Variants in FAM13C observed in about 807,000 individuals in gnomAD.
FAM13C encodes protein FAM13C.
A neutral mutation model predicts 73.2 loss-of-function variants in FAM13C; 37 were observed. That is an observed-to-expected ratio of 0.51 (90% CI 0.39 to 0.67). The LOEUF is 0.67. Among genes scored for constraint, FAM13C ranks in the 30% least tolerant of loss-of-function variants. The probability of loss-of-function intolerance (pLI) is 0.00; values close to 1 mark genes in which losing one functional copy is unlikely to be tolerated. For synonymous variants in FAM13C, 246 were observed against 260.9 expected (o/e 0.94, Z 0.55); for missense variants, 589 against 715.6 (o/e 0.82, Z 2.02).
intron 6 of FAM13C, among the ~76,000 whole-genome samples, chr10:59,273,158 G>T (rs1276596157): frequency 6.6e-6 from 1 of 152,072 alleles, no homozygotes; most frequent in East Asian, 1.9e-4. Context: ...CAATGACCAA[G>T]AATTCATGAA....
At chr10:59,341,800 G>A (rs146970030) in intron 3 of FAM13C, among the ~76,000 whole-genome samples, 5 of 152,264 alleles carry the variant, frequency 3.3e-5, no homozygotes, top group South Asian at 2.1e-4. Context: ...AACAAAACAC[G>A]ATGAGCTTTG....
At chr10:59,296,486 T>C (rs1194298737) in intron 5 of FAM13C, among the ~76,000 whole-genome samples, 1 of 152,202 alleles carries the variant, frequency 6.6e-6, no homozygotes, top group Admixed American at 6.5e-5. Flanking sequence ...AATTAATTTT[T>C]CATATTGATT....
intron 5 of FAM13C, among the ~76,000 whole-genome samples, chr10:59,286,542 T>TATATA (rs58052786): frequency 1.0e-4 from 14 of 140,570 alleles, no homozygotes; most frequent in South Asian, 2.4e-4. Context: ...TATATATATA[T>TATATA]TCATCATACA....
chr10:59,252,924 G>A lies in FAM13C; in HGVS notation c.1407C>T (p.His469=). Reference sequence around the variant, plus strand: ...AGGTGAGGTGGTCACCAACAGGAAGGTGAGATGCTGGATCTGCCAAAGAAG... The same window carrying A: ...AGGTGAGGTGGTCACCAACAGGAAGATGAGATGCTGGATCTGCCAAAGAAG... The part of the protein sequence containing the change: ...QQPSLADPAS[H]LPVGDHLTYS... Residue 469 remains histidine (H), a synonymous_variant, in exon 12 of 14, where the codon CAC becomes CAT. Coordinates refer to ENST00000618804, the MANE Select transcript of FAM13C (RefSeq NM_198215.4). The A allele has an allele frequency of 6.2e-7, 1 of 1,614,090 alleles. No homozygotes were observed. Among genetic ancestry groups the A allele is most frequent in the Non-Finnish European group, 8.5e-7 (1 of 1,179,988 alleles).
intron 3 of FAM13C, among the ~76,000 whole-genome samples, chr10:59,343,658 C>T (rs1020788657): frequency 6.6e-6 from 1 of 152,260 alleles, no homozygotes; most frequent in South Asian, 2.1e-4. Context: ...TGGTGCAGGA[C>T]CCTCAAAAAA....
chr10:59,286,374 G>A (rs1400083389), intron 5 of FAM13C, among the ~76,000 whole-genome samples: 1 of 151,676 alleles, frequency 6.6e-6, no homozygotes, highest in Non-Finnish European at 1.5e-5. Context: ...AATTAGCTGG[G>A]CATGGTGGCA....
chr10:59,265,305 TA>T (rs1564494392), intron 8 of FAM13C, among the ~76,000 whole-genome samples: 20 of 32,180 alleles, frequency 6.2e-4, no homozygotes, highest in African/African-American at 3.2e-3. Context: ...GGCAGAGGGA[TA>T]GGGAAGGGGT....
intron 6 of FAM13C, among the ~76,000 whole-genome samples, chr10:59,276,875 C>T (rs781677306): frequency 5.3e-5 from 8 of 152,254 alleles, no homozygotes; most frequent in South Asian, 4.1e-4. Context: ...GTTCACTTAA[C>T]AATATGCAGC....
chr10:59,323,829 G>T (rs1018484193), intron 4 of FAM13C, among the ~76,000 whole-genome samples, 159 bp downstream of exon 4: 2 of 152,260 alleles, frequency 1.3e-5, no homozygotes, highest in Non-Finnish European at 2.9e-5. Context: ...AACTCACTCA[G>T]CGATTCCTCT....
intron 5 of FAM13C, chr10:59,283,798 A>G (rs1160644092): frequency 4.1e-5 from 20 of 492,554 alleles, no homozygotes; most frequent in Non-Finnish European, 7.3e-5. Context: ...ATCTGAGAAG[A>G]TATCTGCTTC....
chr10:59,261,738 AC>A (rs558326189), intron 10 of FAM13C, among the ~76,000 whole-genome samples: 155 of 152,290 alleles, frequency 1.0e-3, no homozygotes, highest in Middle Eastern at 3.4e-3. Flanking sequence ...GAGACAGGGG[AC>A]TACAAGAAAG....
At chr10:59,269,448 ACATT>A (rs1843449776) in intron 7 of FAM13C, among the ~76,000 whole-genome samples, 3 of 151,472 alleles carry the variant, frequency 2.0e-5, no homozygotes, top group African/African-American at 7.3e-5. Context: ...ACACACACAC[ACATT>A]ATTTGGATGA....
In FAM13C at chr10:59,352,341, C is replaced by G. The variant is rs960784531; in HGVS notation, c.253G>C (p.Gly85Arg). 6 of 1,614,178 alleles carry G rather than the reference C, an allele frequency of 3.7e-6. No homozygotes were observed. The highest frequency in any genetic ancestry group is 5.1e-6 in the Non-Finnish European group (6 of 1,180,042). ...TTGGGCTTCCTGGACTTGAAGTTGCCCATGCTGGGTCGCAATACGCTGTCC... is the reference window on the plus strand; with the variant it reads ...TTGGGCTTCCTGGACTTGAAGTTGCGCATGCTGGGTCGCAATACGCTGTCC... ...LVDSVLRPSM[G>R]NFKSRKPKSI... The change falls in exon 3 of 14, where the codon GGC (glycine) becomes CGC (arginine). Residue 85 changes from glycine (G) to arginine (R), a missense_variant. Transcript: ENST00000618804.
intron 4 of FAM13C, among the ~76,000 whole-genome samples, chr10:59,321,134 C>A (rs532690313): frequency 3.9e-5 from 6 of 152,268 alleles, no homozygotes; most frequent in African/African-American, 1.4e-4. Context: ...TGCCACCTTA[C>A]CTTATGTGAC....
chr10:59,352,160 G>A, intron 3 of FAM13C, 110 bp downstream of exon 3: 7 of 1,244,472 alleles, frequency 5.6e-6, no homozygotes, highest in South Asian at 1.4e-5. Context: ...ATGACAAGTC[G>A]TGCCAATCCC....
chr10:59,274,596 C>T (rs1001233702), intron 6 of FAM13C, among the ~76,000 whole-genome samples: 6 of 152,150 alleles, frequency 3.9e-5, no homozygotes, highest in African/African-American at 1.4e-4. Context: ...AGTCACCCTG[C>T]AAACCCAAGA....
chr10:59,273,106 G>A (rs1167223159), intron 6 of FAM13C, among the ~76,000 whole-genome samples: 2 of 152,300 alleles, frequency 1.3e-5, no homozygotes, highest in East Asian at 3.9e-4. Flanking sequence ...GGAGACTACT[G>A]TAGTAACAAT....
In FAM13C at chr10:59,276,969, G is replaced by A. The variant is rs77963457; in HGVS notation, c.592+6394C>T. On this transcript the variant is annotated intron_variant, in intron 6 of 13. Transcript: ENST00000618804. ...ATGGGTCCTGAATTAATCTTATTCT[G>A]CATTTCAGAAATGGCATGGAAAAGG... 3.4e-3 allele frequency among the ~76,000 whole-genome samples: 519 copies of A among 152,252 alleles called. 4 individuals carry two copies. The highest frequency in any genetic ancestry group is 0.011 in the African/African-American group (476 of 41,546).
chr10:59,315,544 T>C (rs1290761668), intron 4 of FAM13C, among the ~76,000 whole-genome samples: 4 of 151,920 alleles, frequency 2.6e-5, no homozygotes, highest in African/African-American at 9.7e-5. Flanking sequence ...GAAGCTGGAG[T>C]TGTCTACTGG....
Sources: allele counts gnomAD v4.1 joint callset (sites outside exome capture counted in the v4.1 genomes callset), GRCh38; gene constraint gnomAD v4.1.1; transcripts MANE v1.5; gene names NCBI Gene and HGNC (gene_info 2026-07-23, HGNC 2026-07-21).